The following TMEFF2 variants were observed in gnomAD, a reference collection of about 807,000 sequenced individuals.
TMEFF2 encodes transmembrane protein with EGF like and two follistatin like domains 2.
TMEFF2 carries 28 observed loss-of-function variants against 53.8 expected under a neutral mutation model. The observed-to-expected ratio is 0.52, with a 90% CI of 0.39 to 0.71. TMEFF2 has a LOEUF of 0.71. Ranked by LOEUF, TMEFF2 falls within the 30% of genes least tolerant of loss-of-function variation. TMEFF2 has a pLI of 0.00. For synonymous variants in TMEFF2, 162 were observed against 166.3 expected, an observed-to-expected ratio of 0.97 and a Z score of 0.20; for missense variants, 353 against 455.2, an observed-to-expected ratio of 0.78 and a Z score of 2.04.
chr2:192,166,635 C>T (rs1475895711), intron 4 of TMEFF2, among the ~76,000 whole-genome samples: 3 of 152,108 alleles, frequency 2.0e-5, no homozygotes, highest in African/African-American at 4.8e-5. Flanking sequence ...GAAACTCAAG[C>T]AGTTACAATA....
At chr2:191,990,491 T>C (rs1686078290) in intron 7 of TMEFF2, among the ~76,000 whole-genome samples, 1 of 150,388 alleles carries the variant, frequency 6.6e-6, no homozygotes, top group Admixed American at 6.7e-5. Flanking sequence ...GAAAACATTG[T>C]GCCTTGAAAT....
At chr2:192,055,784 A>C (rs1430084075) in intron 5 of TMEFF2, among the ~76,000 whole-genome samples, 1 of 150,506 alleles carries the variant, frequency 6.6e-6, no homozygotes, top group East Asian at 2.0e-4. Flanking sequence ...CAAAAAAAAA[A>C]AAAAAAAAAA....
intron 5 of TMEFF2, chr2:192,037,833 G>C (rs1254914370): frequency 2.0e-5 from 3 of 152,098 alleles, no homozygotes; most frequent in African/African-American, 4.8e-5. Context: ...TGAAAGGACA[G>C]TTTTTCTGTC....
At chr2:192,135,161 C>T (rs1689968256) in intron 4 of TMEFF2, among the ~76,000 whole-genome samples, 1 of 152,182 alleles carries the variant, frequency 6.6e-6, no homozygotes, top group Non-Finnish European at 1.5e-5. Context: ...TCTCCGTTCT[C>T]AACTATTCAT....
chr2:192,125,289 A>G (rs1306465401), intron 4 of TMEFF2, among the ~76,000 whole-genome samples: 1 of 152,212 alleles, frequency 6.6e-6, no homozygotes, highest in African/African-American at 2.4e-5. Context: ...ATAAACAAGT[A>G]AAACATACAA....
At chr2:192,140,506 TG>T (rs74795767) in intron 4 of TMEFF2, among the ~76,000 whole-genome samples, 19,799 of 152,108 alleles carry the variant, frequency 0.13, 1,896 homozygotes, top group African/African-American at 0.25. Flanking sequence ...TGCTCAGTTC[TG>T]GGTTCCACAT....
In TMEFF2 at chr2:192,104,987, T is replaced by C. The variant is rs376410268; in HGVS notation, c.440-47212A>G. Among the ~76,000 whole-genome samples the C allele has an allele frequency of 5.3e-5, 8 of 152,058 alleles. No individual in the cohort carries two copies. In the East Asian group the frequency reaches 7.7e-4, roughly 15 times the overall value. On this transcript the variant is annotated intron_variant, in intron 4 of 9. Transcript: ENST00000272771. ...CATGTTAACGCAAGACAAGAAAATA[T>C]GTATGAATGTCGGGAAGAGATTTGA... is the stretch of plus-strand genomic sequence containing the variant.
At chr2:192,096,117 A>G (rs375996579) in intron 4 of TMEFF2, among the ~76,000 whole-genome samples, 1 of 152,176 alleles carries the variant, frequency 6.6e-6, no homozygotes, top group Non-Finnish European at 1.5e-5. Flanking sequence ...GTGTTCTACT[A>G]TGAAAAACAA....
chr2:191,965,447 T>C (rs1214124666), intron 7 of TMEFF2, among the ~76,000 whole-genome samples: 2 of 152,180 alleles, frequency 1.3e-5, no homozygotes, highest in Admixed American at 1.3e-4. Context: ...GCCTCCAATT[T>C]TGCCCTCTCG....
At chr2:191,958,806 AG>A (rs1332773606) in intron 7 of TMEFF2, among the ~76,000 whole-genome samples, 1 of 152,240 alleles carries the variant, frequency 6.6e-6, no homozygotes, top group Non-Finnish European at 1.5e-5. Flanking sequence ...AAAATAAATT[AG>A]TAGAAGAAAT....
intron 4 of TMEFF2, among the ~76,000 whole-genome samples, chr2:192,058,126 C>T (rs775968295): frequency 9.2e-5 from 14 of 152,158 alleles, no homozygotes; most frequent in Non-Finnish European, 1.5e-4. Context: ...GAGAGATCTA[C>T]TGTCTATTTT....
chr2:191,977,013 T>C (rs1214444299), intron 7 of TMEFF2, among the ~76,000 whole-genome samples: 1 of 152,202 alleles, frequency 6.6e-6, no homozygotes, highest in Admixed American at 6.5e-5. Flanking sequence ...TAAAAGAGTT[T>C]TAAATGTGAA....
At chr2:192,108,476 G>A (rs1443646633) in intron 4 of TMEFF2, among the ~76,000 whole-genome samples, 1 of 151,460 alleles carries the variant, frequency 6.6e-6, no homozygotes, top group African/African-American at 2.4e-5. Flanking sequence ...TTTAACCTTC[G>A]TGTTTAAATT....
chr2:192,193,798 A>AGAGAGT, intron 1 of TMEFF2, among the ~76,000 whole-genome samples: 1 of 139,930 alleles, frequency 7.1e-6, no homozygotes, highest in African/African-American at 2.8e-5. Flanking sequence ...AGAGAGAGAG[A>AGAGAGT]GAGAGAGAGA....
At chr2:192,087,764 T>C (rs979644581) in intron 4 of TMEFF2, among the ~76,000 whole-genome samples, 2 of 152,196 alleles carry the variant, frequency 1.3e-5, no homozygotes, top group African/African-American at 4.8e-5. Flanking sequence ...CTCTATATCA[T>C]ACTCATACTT....
chr2:192,170,642 G>A (rs1271192633), intron 4 of TMEFF2, among the ~76,000 whole-genome samples: 2 of 152,022 alleles, frequency 1.3e-5, no homozygotes, highest in Non-Finnish European at 2.9e-5. Flanking sequence ...AATTTGGAAT[G>A]AATGCAGTTT....
intron 5 of TMEFF2, among the ~76,000 whole-genome samples, chr2:192,041,238 T>C (rs1398802538): frequency 6.6e-6 from 1 of 152,190 alleles, no homozygotes; most frequent in Admixed American, 6.5e-5. Context: ...ATTTAGATTA[T>C]ATATATTTTT....
intron 4 of TMEFF2, among the ~76,000 whole-genome samples, chr2:192,085,117 A>G (rs1688641716): frequency 6.6e-6 from 1 of 152,190 alleles, no homozygotes; most frequent in Non-Finnish European, 1.5e-5. Flanking sequence ...GGAGAATCAG[A>G]GAGAATGGCC....
At chr2:192,013,418 G>A (rs1686675735) in intron 5 of TMEFF2, among the ~76,000 whole-genome samples, 1 of 151,304 alleles carries the variant, frequency 6.6e-6, no homozygotes, top group African/African-American at 2.4e-5. Flanking sequence ...ATCTAACACA[G>A]CACCTATTTC....
Sources: allele counts gnomAD v4.1 joint callset (sites outside exome capture counted in the v4.1 genomes callset), GRCh38; gene constraint gnomAD v4.1.1; transcripts MANE v1.5; gene names NCBI Gene and HGNC (gene_info 2026-07-23, HGNC 2026-07-21).